The following RTL9 variants were observed in gnomAD, a reference collection of about 807,000 sequenced individuals.
RTL9 encodes retrotransposon Gag-like protein 9.
RTL9 carries 19 observed loss-of-function variants against 44.7 expected under a neutral mutation model. The ratio of observed to expected loss-of-function variants is 0.42; its 90% CI spans 0.30 to 0.62. The LOEUF is 0.62. Ranked by LOEUF, RTL9 falls within the 20% of genes least tolerant of loss-of-function variation. The pLI is 0.16. For missense variants in RTL9, 1,105 were observed against 1,080.6 expected (o/e 1.02, Z -0.32); for synonymous variants, 407 against 398.9 (o/e 1.02, Z -0.24).
At chrX:110,390,314 T>A in intron 1 of RTL9, among the ~76,000 whole-genome samples, 1 of 111,960 alleles carries the variant, frequency 8.9e-6, no homozygotes, top group Admixed American at 9.5e-5. Context: ...AAAATAAATG[T>A]TTACAAGCTT....
chrX:110,387,568 A>C (rs1188662588), intron 1 of RTL9, among the ~76,000 whole-genome samples: 1 of 111,662 alleles, frequency 9.0e-6, no homozygotes, highest in Non-Finnish European at 1.9e-5. Flanking sequence ...ATCTGTTTCT[A>C]TTCCCTGACT....
At chrX:110,366,380 C>T (rs1447917258) in intron 1 of RTL9, among the ~76,000 whole-genome samples, 3 of 111,239 alleles carry the variant, frequency 2.7e-5, no homozygotes, top group South Asian at 3.8e-4. Context: ...TGGGGTATAC[C>T]GGATTTGAAA....
chrX:110,418,580 T>G (rs2068694823), upstream of RTL9, among the ~76,000 whole-genome samples: 1 of 111,416 alleles, frequency 9.0e-6, no homozygotes, highest in South Asian at 3.9e-4. Context: ...GGTGGGGCAA[T>G]CAGTGTAGCT....
intron 1 of RTL9, among the ~76,000 whole-genome samples, chrX:110,382,785 C>T (rs772745489): frequency 1.2e-4 from 13 of 112,166 alleles, no homozygotes; most frequent in Non-Finnish European, 2.4e-4. Context: ...CATTTCCACT[C>T]ACGGGGCCAC....
chrX:110,406,402 C>T (rs1469379944), intron 1 of RTL9, among the ~76,000 whole-genome samples: 1 of 111,471 alleles, frequency 9.0e-6, no homozygotes, highest in African/African-American at 3.3e-5. Context: ...TGATGGTTTC[C>T]AGCTTCATCC....
intron 1 of RTL9, among the ~76,000 whole-genome samples, chrX:110,411,111 G>C (rs1321440495): frequency 8.9e-6 from 1 of 112,323 alleles, no homozygotes; most frequent in Non-Finnish European, 1.9e-5. Flanking sequence ...GTATCTCTGA[G>C]CAAGAGAAGT....
chrX:110,442,822 G>A (rs1240790269), intron 1 of RTL9, among the ~76,000 whole-genome samples: 1 of 111,984 alleles, frequency 8.9e-6, no homozygotes. Flanking sequence ...CCCAGCAATA[G>A]CCACTTGAGC....
intron 1 of RTL9, among the ~76,000 whole-genome samples, chrX:110,422,978 C>T (rs2068728343): frequency 8.9e-6 from 1 of 111,810 alleles, no homozygotes; most frequent in Non-Finnish European, 1.9e-5. Flanking sequence ...GTTTTTGTAG[C>T]CTAGGCCGTG....
intron 1 of RTL9, among the ~76,000 whole-genome samples, chrX:110,380,447 C>T (rs761132470): frequency 2.7e-5 from 3 of 111,724 alleles, no homozygotes; most frequent in African/African-American, 9.7e-5. Flanking sequence ...AAATCAGAGG[C>T]AACACAGACA....
chrX:110,438,645 C>T (rs1041006903), intron 1 of RTL9, among the ~76,000 whole-genome samples: 9 of 111,271 alleles, frequency 8.1e-5, no homozygotes, highest in African/African-American at 2.9e-4. Context: ...AAAACAAATC[C>T]GGTCTCCACC....
At chrX:110,389,300 A>G (rs16985974) in intron 1 of RTL9, among the ~76,000 whole-genome samples, 12,899 of 112,260 alleles carry the variant, frequency 0.11, 1,271 homozygotes, top group African/African-American at 0.33. Context: ...TTTTTTGTAA[A>G]ATGTTGTTTA....
intron 1 of RTL9, among the ~76,000 whole-genome samples, chrX:110,406,114 G>T (rs865953445): frequency 2.3e-3 from 243 of 103,868 alleles, no homozygotes; most frequent in African/African-American, 7.7e-3. Context: ...CTGGAAAGTG[G>T]TTTTTTTTTT....
chrX:110,456,053 G>A (rs1010356124), exon 2 of RTL9: 1 of 111,899 alleles, frequency 8.9e-6, no homozygotes, highest in African/African-American at 3.3e-5. Flanking sequence ...CTCAGTGGGG[G>A]TTCTCTAGCT....
chrX:110,408,713 A>G (rs776764545), intron 1 of RTL9, among the ~76,000 whole-genome samples: 3 of 112,297 alleles, frequency 2.7e-5, no homozygotes, highest in Non-Finnish European at 5.6e-5. Context: ...ATAACATATC[A>G]GTTTGTGTCC....
upstream of RTL9, among the ~76,000 whole-genome samples, chrX:110,447,854 C>T (rs2068916765): frequency 9.0e-6 from 1 of 111,570 alleles, no homozygotes; most frequent in African/African-American, 3.3e-5. Context: ...ATCCAAGGCT[C>T]AGGGACCAAT....
chrX:110,391,810 G>A (rs187428020), intron 1 of RTL9, among the ~76,000 whole-genome samples: 16 of 112,201 alleles, frequency 1.4e-4, no homozygotes, highest in East Asian at 1.1e-3. Context: ...CAGCATAGTC[G>A]TTGAACAGCA....
At chrX:110,406,403 A>G (rs2068602334) in intron 1 of RTL9, among the ~76,000 whole-genome samples, 1 of 111,604 alleles carries the variant, frequency 9.0e-6, no homozygotes, top group Non-Finnish European at 1.9e-5. Context: ...GATGGTTTCC[A>G]GCTTCATCCA....
At chrX:110,444,766 T>C (rs753160322) in intron 1 of RTL9, among the ~76,000 whole-genome samples, 3 of 112,494 alleles carry the variant, frequency 2.7e-5, no homozygotes, top group Non-Finnish European at 5.6e-5. Flanking sequence ...CTATTGCCAC[T>C]TGTGTTCTAA....
At chrX:110,367,298 T>C (rs781304992) in intron 1 of RTL9, among the ~76,000 whole-genome samples, 1 of 112,115 alleles carries the variant, frequency 8.9e-6, no homozygotes, top group Non-Finnish European at 1.9e-5. Context: ...GAGTTGTCTC[T>C]GCTCATTCGT....
Sources: gnomAD v4.1 joint callset for allele counts (sites outside exome capture counted in the v4.1 genomes callset) on GRCh38, gnomAD v4.1.1 for gene constraint, MANE v1.5 for transcripts, NCBI Gene and HGNC (gene_info 2026-07-23, HGNC 2026-07-21) for gene names.